Variants in USP12 observed in about 807,000 individuals in gnomAD.
The protein encoded by USP12 is ubiquitin carboxyl-terminal hydrolase 12.
In USP12, 19 loss-of-function variants were observed where a neutral mutation model predicts 45.5. The observed-to-expected ratio is 0.42, with a 90% CI of 0.29 to 0.61. The LOEUF (loss-of-function observed/expected upper bound fraction) is 0.61. Ranked by LOEUF, USP12 falls within the 20% of genes least tolerant of loss-of-function variation. The pLI, the probability that USP12 is intolerant of heterozygous loss-of-function variation, is 0.22. For missense variants in USP12, 242 were observed against 447.7 expected (o/e 0.54, Z 4.15); for synonymous variants, 149 against 148.8 (o/e 1.00, Z -0.01).
At chr13:27,162,770 T>C (rs1878168033) in intron 1 of USP12, 1 of 152,226 alleles carries the variant, frequency 6.6e-6, no homozygotes, top group African/African-American at 2.4e-5. Flanking sequence ...TTTGGATTAT[T>C]ATGATTAATG....
intron 1 of USP12, among the ~76,000 whole-genome samples, chr13:27,121,000 C>A (rs1446958965): frequency 6.6e-6 from 1 of 152,054 alleles, no homozygotes; most frequent in Non-Finnish European, 1.5e-5. Flanking sequence ...CCTTTAAATT[C>A]TCTTCTAACA....
At chr13:27,087,824 A>T (rs1244459506) in intron 6 of USP12, among the ~76,000 whole-genome samples, 1 of 152,230 alleles carries the variant, frequency 6.6e-6, no homozygotes, top group Non-Finnish European at 1.5e-5. Context: ...CAGACTGGAG[A>T]TAATGTGAGC....
At chr13:27,098,366 T>TAA (rs55837621) in intron 3 of USP12, among the ~76,000 whole-genome samples, 8,852 of 150,114 alleles carry the variant, frequency 0.059, 315 homozygotes, top group African/African-American at 0.093. Flanking sequence ...ACAGAATATT[T>TAA]AAAAAAAAAC....
intron 1 of USP12, among the ~76,000 whole-genome samples, chr13:27,136,508 A>AATACATAC (rs374691672): frequency 1.8e-4 from 27 of 152,160 alleles, no homozygotes; most frequent in African/African-American, 6.5e-4. Context: ...CAAATAAACA[A>AATACATAC]ATACATACAT....
intron 2 of USP12, among the ~76,000 whole-genome samples, chr13:27,112,455 A>ATT (rs61084865): frequency 7.0e-6 from 1 of 142,432 alleles, no homozygotes; most frequent in African/African-American, 2.6e-5. Context: ...TGCTCCCAGC[A>ATT]TTTTTTTTTT....
At chr13:27,105,582 G>A (rs1189879983) in intron 3 of USP12, 149 bp downstream of exon 3, 4 of 687,506 alleles carry the variant, frequency 5.8e-6, no homozygotes, top group Non-Finnish European at 9.7e-6. Context: ...CTAAACGAGT[G>A]CCTCTTTGAA....
Position 27,071,110 on chromosome 13 carries a change from A to G in USP12, c.972T>C (p.Ser324=). Reference sequence around the variant, plus strand: ...CATCAAACAACAACCAAAAATCATGACTCTTAACTATTGCAATATAATGGC... The same window carrying G: ...CATCAAACAACAACCAAAAATCATGGCTCTTAACTATTGCAATATAATGGC... ...NRGHYIAIVK[S]HDFWLLFDDD... is the part of the protein sequence containing the mutation. Residue 324 remains serine (S), a synonymous_variant, in exon 8 of 9, where the codon AGT becomes AGC. Transcript: ENST00000282344. The G allele has an allele frequency of 6.2e-7, 1 of 1,609,192 alleles. No individual in the cohort carries two copies. The highest frequency in any genetic ancestry group is 8.5e-7 in the Non-Finnish European group (1 of 1,178,674).
chr13:27,132,850 C>T (rs1054648980), intron 1 of USP12, among the ~76,000 whole-genome samples: 25 of 152,336 alleles, frequency 1.6e-4, no homozygotes, highest in African/African-American at 5.8e-4. Context: ...GACCATGACT[C>T]TAGCCTTATC....
At chr13:27,114,334 T>G (rs779509583) in intron 2 of USP12, among the ~76,000 whole-genome samples, 10 of 152,204 alleles carry the variant, frequency 6.6e-5, no homozygotes, top group Non-Finnish European at 1.5e-4. Flanking sequence ...AGCTACAATA[T>G]AAAAGGAAAA....
At chr13:27,133,732 C>T (rs1420143190) in intron 1 of USP12, among the ~76,000 whole-genome samples, 23 of 152,042 alleles carry the variant, frequency 1.5e-4, no homozygotes. Context: ...TTCATTCAGA[C>T]CACTATTTCA....
At chr13:27,138,533 C>A (rs976650864) in intron 1 of USP12, among the ~76,000 whole-genome samples, 2 of 152,142 alleles carry the variant, frequency 1.3e-5, no homozygotes, top group African/African-American at 4.8e-5. Flanking sequence ...TCTTAGGAAA[C>A]CTGTGACCAC....
At chr13:27,104,864 C>G (rs1040318629) in intron 3 of USP12, among the ~76,000 whole-genome samples, 1 of 152,158 alleles carries the variant, frequency 6.6e-6, no homozygotes, top group East Asian at 1.9e-4. Context: ...GGTAACAAAT[C>G]AACTAAAAAT....
intron 3 of USP12, among the ~76,000 whole-genome samples, chr13:27,101,001 A>G (rs957256344): frequency 6.6e-6 from 1 of 152,218 alleles, no homozygotes; most frequent in Admixed American, 6.5e-5. Context: ...TTTAAGCAAA[A>G]ATGTGCAAAT....
chr13:27,142,048 G>A (rs1220758103), intron 1 of USP12, among the ~76,000 whole-genome samples: 2 of 152,156 alleles, frequency 1.3e-5, no homozygotes, highest in Non-Finnish European at 2.9e-5. Flanking sequence ...CTTGAACTCA[G>A]GAGGCAGAGG....
intron 3 of USP12, among the ~76,000 whole-genome samples, chr13:27,098,450 G>T (rs898800243): frequency 6.6e-6 from 1 of 151,828 alleles, no homozygotes; most frequent in African/African-American, 2.4e-5. Context: ...AAATACAAAT[G>T]CCTAAATAAT....
At chr13:27,116,178 G>A (rs1222781125) in intron 2 of USP12, among the ~76,000 whole-genome samples, 1 of 152,004 alleles carries the variant, frequency 6.6e-6, no homozygotes, top group African/African-American at 2.4e-5. Flanking sequence ...CAGGCATGGT[G>A]GCAGGCGCCT....
intron 1 of USP12, among the ~76,000 whole-genome samples, chr13:27,141,584 A>G (rs1877060417): frequency 6.6e-6 from 1 of 152,180 alleles, no homozygotes; most frequent in Non-Finnish European, 1.5e-5. Context: ...GCTTGAAGCT[A>G]TTGGTCCCAT....
chr13:27,083,974 C>A (rs1259541183), intron 6 of USP12, among the ~76,000 whole-genome samples: 2 of 151,764 alleles, frequency 1.3e-5, no homozygotes, highest in East Asian at 3.9e-4. Flanking sequence ...AAGTGATTCT[C>A]CTGCCTCAGC....
intron 6 of USP12, among the ~76,000 whole-genome samples, chr13:27,083,475 AAAC>A (rs61450995): frequency 0.086 from 13,069 of 152,086 alleles, 638 homozygotes; most frequent in Middle Eastern, 0.13. Flanking sequence ...AGGGACAGGA[AAAC>A]AACAACTGAA....
Sources: gnomAD v4.1 joint callset for allele counts (sites outside exome capture counted in the v4.1 genomes callset) on GRCh38, gnomAD v4.1.1 for gene constraint, MANE v1.5 for transcripts, NCBI Gene and HGNC (gene_info 2026-07-23, HGNC 2026-07-21) for gene names.